HSD17B7: variants seen among roughly 807,000 people sequenced by gnomAD.
HSD17B7 encodes the protein 3-keto-steroid reductase/17-beta-hydroxysteroid dehydrogenase 7.
In HSD17B7, 17 loss-of-function variants were observed where a neutral mutation model predicts 34.1. The observed-to-expected ratio is 0.50, with a 90% CI of 0.34 to 0.75. The LOEUF (loss-of-function observed/expected upper bound fraction) is 0.75. Ranked by LOEUF, HSD17B7 falls within the 30% of genes least tolerant of loss-of-function variation. The probability of loss-of-function intolerance (pLI) is 0.01; values close to 1 mark genes in which losing one functional copy is unlikely to be tolerated. For missense variants in HSD17B7, 296 were observed against 406.6 expected, an observed-to-expected ratio of 0.73 and a Z score of 2.34; for synonymous variants, 122 against 154.6, an observed-to-expected ratio of 0.79 and a Z score of 1.56.
chr1:162,811,464 G>C (rs1649168364), intron 8 of HSD17B7, among the ~76,000 whole-genome samples: 1 of 151,578 alleles, frequency 6.6e-6, no homozygotes. Flanking sequence ...TTGAAGTTTA[G>C]GCTCTGTGTT....
intron 2 of HSD17B7, among the ~76,000 whole-genome samples, chr1:162,795,142 T>C (rs1271361910): frequency 1.3e-5 from 2 of 152,184 alleles, no homozygotes; most frequent in Non-Finnish European, 2.9e-5. Flanking sequence ...TTCTTACTTA[T>C]GTCAAGAAAC....
chr1:162,808,239 T>G lies in HSD17B7; in HGVS notation c.903+2747T>G, dbSNP rs1209181474. The stretch of plus-strand genomic sequence containing the variant: ...TTAAATAGGGAATCCTTTCCCCATT[T>G]CTTGTTTTTGTCAGGTTTGTCAAAG... On this transcript the variant is annotated intron_variant, in intron 8 of 8. Transcript: ENST00000254521. 4.9e-3 allele frequency among the ~76,000 whole-genome samples: 737 copies of G among 151,406 alleles called. 7 individuals are homozygous for G. The highest frequency in any genetic ancestry group is 0.017 in the African/African-American group (686 of 40,772).
chr1:162,794,244 A>C (rs1294906791), intron 2 of HSD17B7, among the ~76,000 whole-genome samples: 1 of 152,188 alleles, frequency 6.6e-6, no homozygotes, highest in Non-Finnish European at 1.5e-5. Context: ...AAATGGGTAG[A>C]AACAAGGAAG....
At position 162,805,537 on chromosome 1, in the gene HSD17B7, A is replaced by G. The variant is rs372758443; in HGVS notation, c.903+45A>G. ...TGCACTGATGTTTGCTGTTGGGTTG[A>G]TGAATTAAGCCTGTGTTCCTGACCA... On this transcript the variant is annotated intron_variant, in intron 8 of 8. Transcript: ENST00000254521. The G allele has an allele frequency of 6.1e-5, 97 of 1,601,468 alleles. No individual in the cohort carries two copies. In the African/African-American group the frequency reaches 1.1e-3, roughly 18 times the overall value.
intron 4 of HSD17B7, 22 bp downstream of exon 4, chr1:162,797,938 T>C (rs375879032): frequency 1.2e-6 from 2 of 1,612,376 alleles, no homozygotes; most frequent in African/African-American, 2.7e-5. Flanking sequence ...GTGGGCTTAA[T>C]AAGCTAATAT....
chr1:162,810,660 T>A (rs1649144083), intron 8 of HSD17B7, among the ~76,000 whole-genome samples: 1 of 148,520 alleles, frequency 6.7e-6, no homozygotes, highest in Non-Finnish European at 1.5e-5. Flanking sequence ...TATATTTAGA[T>A]AGTTAGTTCT....
chr1:162,806,287 G>T (rs1055053646), intron 8 of HSD17B7, among the ~76,000 whole-genome samples: 3 of 152,126 alleles, frequency 2.0e-5, no homozygotes, highest in African/African-American at 4.8e-5. Context: ...GACTGTTATC[G>T]CAGGTAAGTC....
At chr1:162,806,098 A>G (rs1291021654) in intron 8 of HSD17B7, among the ~76,000 whole-genome samples, 2 of 152,196 alleles carry the variant, frequency 1.3e-5, no homozygotes, top group Non-Finnish European at 2.9e-5. Context: ...TAGACTTGGT[A>G]TAATCTAAAA....
chr1:162,812,318 T>G lies in HSD17B7; in HGVS notation c.924T>G (p.Thr308=). 6.2e-7 allele frequency: 1 copy of G among 1,612,786 alleles called. No individual in the cohort carries two copies. The highest frequency in any genetic ancestry group is 8.5e-7 in the Non-Finnish European group (1 of 1,179,498). ...MTQKMDLDED[T]AEKFYQKLLE... is the part of the protein sequence containing the mutation. The stretch of plus-strand genomic sequence containing the variant: ...TCCAGATGGACCTAGATGAAGACAC[T>G]GCTGAAAAATTTTATCAAAAGTTAC... The change falls in exon 9 of 9, where the codon ACT becomes ACG. Residue 308 remains threonine, a synonymous_variant. Transcript: ENST00000254521.
At chr1:162,809,201 G>A (rs961658053) in intron 8 of HSD17B7, among the ~76,000 whole-genome samples, 7 of 152,116 alleles carry the variant, frequency 4.6e-5, no homozygotes, top group African/African-American at 1.7e-4. Flanking sequence ...TTTGTCAAAG[G>A]CCTTTTCTGC....
intron 1 of HSD17B7, among the ~76,000 whole-genome samples, chr1:162,791,641 A>G (rs1207639264): frequency 6.8e-6 from 1 of 147,776 alleles, no homozygotes; most frequent in Non-Finnish European, 1.5e-5. Context: ...GCATTTGGCA[A>G]CTTTTTAGCA....
At chr1:162,791,858 T>C (rs1289103587) in intron 1 of HSD17B7, among the ~76,000 whole-genome samples, 2 of 152,156 alleles carry the variant, frequency 1.3e-5, no homozygotes, top group Non-Finnish European at 2.9e-5. Flanking sequence ...TTCCAGGCTC[T>C]TTTTGGGTTT....
chr1:162,803,778 A>G (rs1218090431), intron 6 of HSD17B7, among the ~76,000 whole-genome samples: 1 of 152,216 alleles, frequency 6.6e-6, no homozygotes, highest in Non-Finnish European at 1.5e-5. Flanking sequence ...CACAGATCCC[A>G]AGAGTTCTGT....
intron 1 of HSD17B7, among the ~76,000 whole-genome samples, chr1:162,792,179 A>T (rs1648429515): frequency 6.6e-6 from 1 of 152,178 alleles, no homozygotes; most frequent in African/African-American, 2.4e-5. Flanking sequence ...CCTTTATCAG[A>T]GATTTCTGGT....
At chr1:162,809,125 T>C (rs1649089275) in intron 8 of HSD17B7, among the ~76,000 whole-genome samples, 1 of 152,208 alleles carries the variant, frequency 6.6e-6, no homozygotes. Context: ...TAGCTCTTAT[T>C]ATTTTGAGAT....
chr1:162,790,891 A>AG (rs1208591283), intron 1 of HSD17B7, 56 bp downstream of exon 1: 1 of 1,507,908 alleles, frequency 6.6e-7, no homozygotes, highest in Admixed American at 1.8e-5. Context: ...CCGAGAGAGC[A>AG]GGGGTCTGCG....
intron 8 of HSD17B7, among the ~76,000 whole-genome samples, chr1:162,811,787 A>C (rs1433830450): frequency 2.6e-5 from 4 of 152,228 alleles, no homozygotes; most frequent in Non-Finnish European, 5.9e-5. Context: ...TCTCTTGAAG[A>C]GACTCCAGGT....
intron 5 of HSD17B7, among the ~76,000 whole-genome samples, chr1:162,802,491 G>A (rs1648845886): frequency 6.6e-6 from 1 of 152,098 alleles, no homozygotes; most frequent in Admixed American, 6.5e-5. Context: ...AGGGATGGTT[G>A]ATCCATGTCA....
At chr1:162,796,715 T>C (rs762624354) in intron 3 of HSD17B7, 38 bp downstream of exon 3, 11 of 1,238,010 alleles carry the variant, frequency 8.9e-6, no homozygotes, top group Admixed American at 6.7e-5. Flanking sequence ...TTGGAAGGAA[T>C]GTGTTCATTT....
Sources: gnomAD v4.1 joint callset for allele counts (sites outside exome capture counted in the v4.1 genomes callset) on GRCh38, gnomAD v4.1.1 for gene constraint, MANE v1.5 for transcripts, NCBI Gene and HGNC (gene_info 2026-07-23, HGNC 2026-07-21) for gene names.